DLG4: variants seen among roughly 807,000 people sequenced by gnomAD.
The protein encoded by DLG4 is disks large homolog 4.
Under a neutral mutation model 93.8 loss-of-function variants are expected in DLG4, and 7 were observed. The observed-to-expected ratio is 0.07, with a 90% CI of 0.04 to 0.14. The LOEUF (loss-of-function observed/expected upper bound fraction) is 0.14. Ranked by LOEUF, DLG4 falls within the 10% of genes least tolerant of loss-of-function variation. DLG4 has a pLI of 1.00. For synonymous variants in DLG4, 341 were observed against 387.6 expected (o/e 0.88, Z 1.41); for missense variants, 545 against 992.9 (o/e 0.55, Z 6.06).
chr17:7,203,322 G>A lies in DLG4; in HGVS notation c.513C>T (p.Gly171=). The A allele has an allele frequency of 1.2e-6, 2 of 1,600,994 alleles. No homozygotes were observed. Among genetic ancestry groups the A allele is most frequent in the Middle Eastern group, 1.7e-4 (1 of 6,020 alleles). The part of the protein sequence containing the change: ...IKLIKGPKGL[G]FSIAGGVGNQ... ...TCCCTACGCCCCCTGCGATGCTGAAGCCAAGACCTGGATGGAGGGGAGGCC... is the reference window on the plus strand; with the variant it reads ...TCCCTACGCCCCCTGCGATGCTGAAACCAAGACCTGGATGGAGGGGAGGCC... The change falls in exon 7 of 20, where the codon GGC becomes GGT. Residue 171 remains glycine, a synonymous_variant. Coordinates refer to ENST00000399506, the MANE Select transcript of DLG4 (RefSeq NM_001321075.3). The surrounding 1 kb of genome is among the most constrained non-coding windows in gnomAD (Gnocchi z 7.2).
At position 7,195,970 on chromosome 17, in the gene DLG4, G is replaced by C. The variant is rs907256949; in HGVS notation, c.1301+250C>G. 5.9e-5 allele frequency among the ~76,000 whole-genome samples: 9 copies of C among 152,242 alleles called. No individual in the cohort carries two copies. Among genetic ancestry groups the C allele is most frequent in the Admixed American group, 5.9e-4 (9 of 15,290 alleles). ...TGTGGGGTGGCCTGGGAGTCCCGGGGAAGTGCTGGGATGACCAGGGGCTAG... is the reference window on the plus strand; with the variant it reads ...TGTGGGGTGGCCTGGGAGTCCCGGGCAAGTGCTGGGATGACCAGGGGCTAG... On this transcript the variant is annotated intron_variant, in intron 11 of 19. Transcript: ENST00000399506. This position sits in a 1 kb window ranked among gnomAD's most constrained non-coding sequence, Gnocchi z 4.3.
chr17:7,219,951 A>G, upstream of DLG4: 2 of 1,024,482 alleles, frequency 2.0e-6, no homozygotes, highest in South Asian at 1.5e-5. Flanking sequence ...GCTGGGTCAG[A>G]GCTCGAGCCA....
At position 7,191,849 on chromosome 17, in the gene DLG4, A is replaced by G; in HGVS notation, c.1976+44T>C. On this transcript the variant is annotated intron_variant, in intron 18 of 19. Transcript: ENST00000399506. This position sits in a 1 kb window ranked among gnomAD's most constrained non-coding sequence, Gnocchi z 6.6. ...GACGCCTTGTGAGGCCCAGGGCCACAGGTGTTGGGGGAGCAAAGGGGAGGC... is the reference window on the plus strand; with the variant it reads ...GACGCCTTGTGAGGCCCAGGGCCACGGGTGTTGGGGGAGCAAAGGGGAGGC... 1 of 1,328,924 alleles carries G rather than the reference A, an allele frequency of 7.5e-7. No individual in the cohort carries two copies. Among genetic ancestry groups the G allele is most frequent in the Non-Finnish European group, 1.0e-6 (1 of 994,860 alleles). 82.3% of individuals were successfully genotyped at this position (1,328,924 alleles called of 1,614,324 possible).
Position 7,191,487 on chromosome 17 carries a change from A to G in DLG4, c.1977-129T>C. 1 of 788,182 alleles carries G rather than the reference A, an allele frequency of 1.3e-6. No homozygotes were observed. The highest frequency in any genetic ancestry group is 1.6e-5 in the South Asian group (1 of 61,568). The allele number at this position is 788,182 out of a possible 1,614,324, so 48.8% of individuals were successfully genotyped here. A position where few individuals can be genotyped will look rare whatever the true frequency, so the allele number is the denominator to read the frequency against. On this transcript the variant is annotated intron_variant, in intron 18 of 19. Transcript: ENST00000399506. The surrounding 1 kb of genome is among the most constrained non-coding windows in gnomAD (Gnocchi z 6.6). The stretch of plus-strand genomic sequence containing the variant: ...AGCAAAAAAAAAAATACAATTCCCA[A>G]TATCCTCTGGGGCCACAGATGAGAA...
chr17:7,220,038 G>C (rs759918601), upstream of DLG4: 1 of 1,604,386 alleles, frequency 6.2e-7, no homozygotes, highest in Non-Finnish European at 8.5e-7. Context: ...TGAGGCTCGG[G>C]GGCGGAAGGT....
chr17:7,217,912 G>A (rs779017530), upstream of DLG4: 17 of 1,244,454 alleles, frequency 1.4e-5, no homozygotes, highest in African/African-American at 6.0e-5. Flanking sequence ...CTCGGCAGGC[G>A]GTAGGGGGTC....
intron 1 of DLG4, among the ~76,000 whole-genome samples, chr17:7,214,330 G>A (rs1020025970): frequency 2.0e-5 from 3 of 151,978 alleles, no homozygotes; most frequent in Admixed American, 6.6e-5. Flanking sequence ...CCTCATTTCG[G>A]TCAGGTAACC....
chr17:7,219,390 TG>T (rs545407818), upstream of DLG4: 6 of 1,014,212 alleles, frequency 5.9e-6, no homozygotes, highest in Non-Finnish European at 5.9e-6. Context: ...GCAGTGAATC[TG>T]GGGGGGTCTT....
At position 7,191,429 on chromosome 17, in the gene DLG4, G is replaced by A; in HGVS notation, c.1977-71C>T. Reference sequence around the variant, plus strand: ...CCCTGCCTTTTATCTCCTCTATCCAGGAATGTTAAGTATTCTTCTATTTGG... The same window carrying A: ...CCCTGCCTTTTATCTCCTCTATCCAAGAATGTTAAGTATTCTTCTATTTGG... On this transcript the variant is annotated intron_variant, in intron 18 of 19. Coordinates refer to ENST00000399506, the MANE Select transcript of DLG4 (RefSeq NM_001321075.3). The surrounding 1 kb of genome is among the most constrained non-coding windows in gnomAD (Gnocchi z 6.6). 8.6e-7 allele frequency: 1 copy of A among 1,164,066 alleles called. No individual in the cohort carries two copies. The highest frequency in any genetic ancestry group is 1.2e-5 in the South Asian group (1 of 80,460). 72.1% of individuals were successfully genotyped at this position (1,164,066 alleles called of 1,614,324 possible). A position where few individuals can be genotyped will look rare whatever the true frequency, so the allele number is the denominator to read the frequency against.
chr17:7,194,664 C>A lies in DLG4; in HGVS notation c.1302-169G>T, dbSNP rs1346492861. 1.3e-5 allele frequency among the ~76,000 whole-genome samples: 2 copies of A among 152,214 alleles called. No individual in the cohort carries two copies. The highest frequency in any genetic ancestry group is 4.8e-5 in the African/African-American group (2 of 41,460). On this transcript the variant is annotated intron_variant, in intron 11 of 19. Coordinates refer to ENST00000399506, the MANE Select transcript of DLG4 (RefSeq NM_001321075.3). This position sits in a 1 kb window ranked among gnomAD's most constrained non-coding sequence, Gnocchi z 4.4. ...ACCAAACGCTGACTATAACTCATAA[C>A]AACTATTAGCCATCACTCAGTCCAC...
intron 8 of DLG4, among the ~76,000 whole-genome samples, chr17:7,197,376 T>C (rs193282885): frequency 6.6e-6 from 1 of 152,166 alleles, no homozygotes; most frequent in East Asian, 1.9e-4. Flanking sequence ...CACTCGAATC[T>C]CTTAATCCAT....
At position 7,193,730 on chromosome 17, in the gene DLG4, G is replaced by A. The variant is rs778949482; in HGVS notation, c.1544-16C>T. 1 of 1,595,428 alleles carries A rather than the reference G, an allele frequency of 6.3e-7. No homozygotes were observed. Among genetic ancestry groups the A allele is most frequent in the Admixed American group, 1.7e-5 (1 of 57,914 alleles). ...TCTTCTCGACCTGGTGGGAGGTGGG[G>A]CATCTGCAAGGGGCTCTGAAACAGG... On this transcript the variant is annotated splice_polypyrimidine_tract_variant and intron_variant, in intron 14 of 19. Transcript: ENST00000399506. This position sits in a 1 kb window ranked among gnomAD's most constrained non-coding sequence, Gnocchi z 6.7.
At chr17:7,214,340 C>G (rs902888091) in intron 1 of DLG4, among the ~76,000 whole-genome samples, 12 of 152,130 alleles carry the variant, frequency 7.9e-5, no homozygotes, top group African/African-American at 2.9e-4. Flanking sequence ...GTCAGGTAAC[C>G]CAGCCCCAAG....
At position 7,193,428 on chromosome 17, in the gene DLG4, C is replaced by T. The variant is rs943110205; in HGVS notation, c.1693+55G>A. Reference sequence around the variant, plus strand: ...TGCCTATGGCCCCAGGGATGGGCCTCCCCTGCCCCACCCCCACTTCCACCT... The same window carrying T: ...TGCCTATGGCCCCAGGGATGGGCCTTCCCTGCCCCACCCCCACTTCCACCT... On this transcript the variant is annotated intron_variant, in intron 16 of 19. Coordinates refer to ENST00000399506, the MANE Select transcript of DLG4 (RefSeq NM_001321075.3). This position sits in a 1 kb window ranked among gnomAD's most constrained non-coding sequence, Gnocchi z 6.7. 3 of 1,473,866 alleles carry T rather than the reference C, an allele frequency of 2.0e-6. No individual in the cohort carries two copies. Among genetic ancestry groups the T allele is most frequent in the Non-Finnish European group, 2.7e-6 (3 of 1,105,018 alleles). The allele number at this position is 1,473,866 out of a possible 1,614,324, so 91.3% of individuals were successfully genotyped here. A position where few individuals can be genotyped will look rare whatever the true frequency, so the allele number is the denominator to read the frequency against.
rs141766690 is a variant in DLG4, at chr17:7,201,321, T to C, written c.787+1582A>G. 1.3e-5 allele frequency among the ~76,000 whole-genome samples: 2 copies of C among 152,348 alleles called. 1 individual carries two copies. The highest frequency in any genetic ancestry group is 4.8e-5 in the African/African-American group (2 of 41,572). ...TTGTCTTGTTACACTGTCTGAAATCTCTAAAGCAGTGATTCTCAACCACCA... is the reference window on the plus strand; with the variant it reads ...TTGTCTTGTTACACTGTCTGAAATCCCTAAAGCAGTGATTCTCAACCACCA... On this transcript the variant is annotated intron_variant, in intron 8 of 19. Coordinates refer to ENST00000399506, the MANE Select transcript of DLG4 (RefSeq NM_001321075.3).
Position 7,187,607 on chromosome 17 carries a change from C to T in DLG4, c.*3101G>A, listed in dbSNP as rs1023092338. On this transcript the variant is annotated 3_prime_UTR_variant, in exon 20 of 20. Transcript: ENST00000399506. ...GCAAAATTATGTGATTCTACCCCAT[C>T]CAGGTCAAATATGTGATTCTGCCCC... Among the ~76,000 whole-genome samples, 10 of 151,862 alleles carry T rather than the reference C, an allele frequency of 6.6e-5. No homozygotes were observed. Among genetic ancestry groups the T allele is most frequent in the Admixed American group, 2.6e-4 (4 of 15,222 alleles).
At chr17:7,207,955 G>T in intron 2 of DLG4, 1 of 246,716 alleles carries the variant, frequency 4.1e-6, no homozygotes, top group Non-Finnish European at 6.4e-6. Flanking sequence ...CCAAACCCCC[G>T]CCCCCAGTCC....
At chr17:7,206,671 C>A (rs1687741519) in intron 2 of DLG4, among the ~76,000 whole-genome samples, 1 of 152,176 alleles carries the variant, frequency 6.6e-6, no homozygotes, top group Non-Finnish European at 1.5e-5. Context: ...TTTCCTTGCT[C>A]TGTCAGCCTC....
In DLG4 at chr17:7,192,006, G is replaced by A. The variant is rs961013360; in HGVS notation, c.1867-4C>T. The A allele has an allele frequency of 1.4e-6, 2 of 1,426,692 alleles. No homozygotes were observed. The highest frequency in any genetic ancestry group is 9.2e-7 in the Non-Finnish European group (1 of 1,082,758). The allele number at this position is 1,426,692 out of a possible 1,614,324, so 88.4% of individuals were successfully genotyped here. A position where few individuals can be genotyped will look rare whatever the true frequency, so the allele number is the denominator to read the frequency against. ...CATCGAGGATGCAGTGCTTCCCCTG[G>A]GGGCAGGCAGGGTGGGCGGAGGGGG... is the stretch of plus-strand genomic sequence containing the variant. On this transcript the variant is annotated splice_polypyrimidine_tract_variant and splice_region_variant and intron_variant, in intron 17 of 19. Coordinates refer to ENST00000399506, the MANE Select transcript of DLG4 (RefSeq NM_001321075.3).
Sources: allele counts gnomAD v4.1 joint callset (sites outside exome capture counted in the v4.1 genomes callset), GRCh38; gene constraint gnomAD v4.1.1; non-coding constraint Gnocchi (gnomAD v3.1); transcripts MANE v1.5; gene names NCBI Gene and HGNC (gene_info 2026-07-23, HGNC 2026-07-21).